The following GAS7 variants were observed in gnomAD, a reference collection of about 807,000 sequenced individuals.
GAS7 encodes growth arrest specific 7.
A neutral mutation model predicts 71.1 loss-of-function variants in GAS7; 28 were observed. That is an observed-to-expected ratio of 0.39 (90% CI 0.29 to 0.54). The LOEUF is 0.54. Among genes scored for constraint, GAS7 ranks in the 20% least tolerant of loss-of-function variants. The probability of loss-of-function intolerance (pLI) is 0.62; values close to 1 mark genes in which losing one functional copy is unlikely to be tolerated. For missense variants in GAS7, 436 were observed against 627.8 expected, an observed-to-expected ratio of 0.69 and a Z score of 3.27; for synonymous variants, 258 against 245.8, an observed-to-expected ratio of 1.05 and a Z score of -0.46.
At chr17:10,149,198 G>A (rs1466451922) in intron 1 of GAS7, among the ~76,000 whole-genome samples, 1 of 152,124 alleles carries the variant, frequency 6.6e-6, no homozygotes, top group Non-Finnish European at 1.5e-5. Flanking sequence ...CATCTCCTGG[G>A]TTTAAGCGAT....
rs189130823 is a variant in GAS7 at position 9,945,323 on chromosome 17, A to G, written c.615+1571T>C. Among the ~76,000 whole-genome samples the G allele has an allele frequency of 2.0e-5, 3 of 151,794 alleles. No individual in the cohort carries two copies. The East Asian group carries it at 5.8e-4, about 30-fold the overall frequency. ...ATGCCTATGAATCAGATCACATCAT[A>G]TTGCTGCTTAAGACCTTCTAACACC... is the stretch of plus-strand genomic sequence containing the variant. On this transcript the variant is annotated intron_variant, in intron 6 of 13. Coordinates refer to ENST00000432992, the MANE Select transcript of GAS7 (RefSeq NM_201433.2).
intron 2 of GAS7, among the ~76,000 whole-genome samples, chr17:10,016,774 A>G (rs1029183726): frequency 6.8e-6 from 1 of 146,810 alleles, no homozygotes; most frequent in African/African-American, 2.5e-5. Context: ...AATAATAATA[A>G]TAATAATAAT....
chr17:9,944,001 T>C (rs2091011201), intron 6 of GAS7, among the ~76,000 whole-genome samples: 1 of 152,228 alleles, frequency 6.6e-6, no homozygotes, highest in Non-Finnish European at 1.5e-5. Flanking sequence ...ATTAGTTACT[T>C]TTAAATAAAA....
intron 3 of GAS7, among the ~76,000 whole-genome samples, chr17:9,980,145 T>A (rs534762708): frequency 6.6e-6 from 1 of 152,324 alleles, no homozygotes; most frequent in South Asian, 2.1e-4. Flanking sequence ...CACCTTCCTA[T>A]CACCTCTCCC....
intron 7 of GAS7, 92 bp from the exon 8 acceptor site, chr17:9,940,292 A>G: frequency 1.1e-6 from 1 of 886,884 alleles, no homozygotes. Flanking sequence ...CGTGGAAAGG[A>G]ACCCACTAGA....
chr17:10,113,276 C>A (rs2073831212), intron 1 of GAS7, among the ~76,000 whole-genome samples: 1 of 152,216 alleles, frequency 6.6e-6, no homozygotes, highest in South Asian at 2.1e-4. Context: ...GGCAATCTGG[C>A]CCTTTCTGTC....
chr17:10,122,185 G>A (rs1291852949), intron 1 of GAS7, among the ~76,000 whole-genome samples: 1 of 152,168 alleles, frequency 6.6e-6, no homozygotes, highest in Non-Finnish European at 1.5e-5. Context: ...GCACACCGGT[G>A]GTACCCACCC....
At chr17:9,917,750 G>A (rs1353934546) in intron 13 of GAS7, among the ~76,000 whole-genome samples, 7 of 152,224 alleles carry the variant, frequency 4.6e-5, no homozygotes, top group Non-Finnish European at 1.0e-4. Flanking sequence ...ACTGTTACGA[G>A]CTTCTTTCTC....
Position 9,969,676 on chromosome 17 carries a change from C to T in GAS7, c.471+1G>A. On this transcript the variant is annotated splice_donor_variant, in intron 4 of 13. Coordinates refer to ENST00000432992, the MANE Select transcript of GAS7 (RefSeq NM_201433.2). LOFTEE classifies it high-confidence loss of function. The surrounding 1 kb of genome is among the most constrained non-coding windows in gnomAD (Gnocchi z 5.5). Reference sequence around the variant, plus strand: ...ATACCTCCCTCAACAGGACCCCTTACCTGGGAATCACCGGTGGATTTTCGG... The same window carrying T: ...ATACCTCCCTCAACAGGACCCCTTATCTGGGAATCACCGGTGGATTTTCGG... 6.3e-7 allele frequency: 1 copy of T among 1,590,248 alleles called. No individual in the cohort carries two copies. Among genetic ancestry groups the T allele is most frequent in the Non-Finnish European group, 8.6e-7 (1 of 1,158,220 alleles).
intron 2 of GAS7, among the ~76,000 whole-genome samples, chr17:10,005,154 CATGTGTGTGCGCACGCATGCATGT>C (rs1567879989): frequency 5.8e-5 from 2 of 34,562 alleles, no homozygotes; most frequent in African/African-American, 1.0e-4. Flanking sequence ...CGCATGCATG[CATGTGTGTGCGCACGCATGCATGT>C]ATGTGTATGT....
intron 4 of GAS7, among the ~76,000 whole-genome samples, chr17:9,964,317 C>A (rs375522851): frequency 2.0e-5 from 3 of 152,146 alleles, no homozygotes; most frequent in Admixed American, 6.5e-5. Flanking sequence ...TTCCTCCCCC[C>A]CTGCAAATAA....
At chr17:10,059,080 T>G (rs1209192099) in intron 1 of GAS7, among the ~76,000 whole-genome samples, 1 of 152,194 alleles carries the variant, frequency 6.6e-6, no homozygotes, top group Non-Finnish European at 1.5e-5. Context: ...CGCACAAACG[T>G]GGCATGCATG....
chr17:9,964,197 C>T (rs2069613617), intron 4 of GAS7, among the ~76,000 whole-genome samples: 1 of 152,022 alleles, frequency 6.6e-6, no homozygotes, highest in African/African-American at 2.4e-5. Context: ...TCTGCATCAC[C>T]CTGAGGCCTG....
intron 1 of GAS7, among the ~76,000 whole-genome samples, chr17:10,172,524 AAAG>A (rs919857556): frequency 6.6e-6 from 1 of 152,238 alleles, no homozygotes; most frequent in Non-Finnish European, 1.5e-5. Context: ...GATTAAAAAA[AAAG>A]AAGAAGAAAA....
chr17:9,997,686 A>G (rs1470089972), intron 2 of GAS7, among the ~76,000 whole-genome samples: 1 of 152,224 alleles, frequency 6.6e-6, no homozygotes, highest in African/African-American at 2.4e-5. Context: ...TCAGACACCA[A>G]TCACAAGCAG....
At chr17:9,934,950 G>C (rs371056244) in intron 8 of GAS7, among the ~76,000 whole-genome samples, 2 of 152,058 alleles carry the variant, frequency 1.3e-5, no homozygotes, top group East Asian at 3.9e-4. Flanking sequence ...TGGCCAGGCC[G>C]GTCTCGAACT....
At chr17:10,050,417 A>C (rs1885680931) in intron 1 of GAS7, among the ~76,000 whole-genome samples, 1 of 152,132 alleles carries the variant, frequency 6.6e-6, no homozygotes, top group African/African-American at 2.4e-5. Flanking sequence ...AGATGGACAA[A>C]CTGAGGCCTG....
Position 10,009,193 on chromosome 17 carries a change from C to T in GAS7, c.304+10584G>A, listed in dbSNP as rs921320890. 3.1e-3 allele frequency among the ~76,000 whole-genome samples: 472 copies of T among 149,956 alleles called. 4 individuals are homozygous for T. The highest frequency in any genetic ancestry group is 0.011 in the African/African-American group (455 of 40,852). On this transcript the variant is annotated intron_variant, in intron 2 of 13. Coordinates refer to ENST00000432992, the MANE Select transcript of GAS7 (RefSeq NM_201433.2). ...AAAATTAGCCGGGCGTAGTGGCGGG[C>T]GCCTGTAGTCCCAGCTACTTGGGAG...
chr17:10,125,784 A>G (rs140741379), intron 1 of GAS7, among the ~76,000 whole-genome samples: 3 of 152,204 alleles, frequency 2.0e-5, no homozygotes, highest in African/African-American at 7.2e-5. Flanking sequence ...AAGGGCCTTA[A>G]AGGATGATGA....
Sources: gnomAD v4.1 joint callset for allele counts (sites outside exome capture counted in the v4.1 genomes callset) on GRCh38, gnomAD v4.1.1 for gene constraint, Gnocchi (gnomAD v3.1) non-coding constraint, MANE v1.5 for transcripts, NCBI Gene and HGNC (gene_info 2026-07-23, HGNC 2026-07-21) for gene names.